Variants in DOCK4 observed in about 807,000 individuals in gnomAD.
The protein encoded by DOCK4 is dedicator of cytokinesis protein 4.
A neutral mutation model predicts 268.1 loss-of-function variants in DOCK4; 97 were observed. The ratio of observed to expected loss-of-function variants is 0.36; its 90% CI spans 0.31 to 0.43. DOCK4 has a LOEUF of 0.43. Among genes scored for constraint, DOCK4 ranks in the 20% least tolerant of loss-of-function variants. DOCK4 has a pLI of 1.00. For missense variants in DOCK4, 2,145 were observed against 2,455.7 expected (o/e 0.87, Z 2.67); for synonymous variants, 954 against 887.2 (o/e 1.08, Z -1.34).
intron 1 of DOCK4, among the ~76,000 whole-genome samples, chr7:112,033,806 T>C (rs971684570): frequency 1.3e-5 from 2 of 152,184 alleles, no homozygotes; most frequent in African/African-American, 2.4e-5. Context: ...TCTTCTTTAT[T>C]CTTGAAAAAA....
rs1371967310 is a variant in DOCK4 at position 111,735,050 on chromosome 7, C to G, written c.5419+4G>C. 6.4e-7 allele frequency: 1 copy of G among 1,569,494 alleles called. No homozygotes were observed. Among genetic ancestry groups the G allele is most frequent in the Non-Finnish European group, 8.7e-7 (1 of 1,153,390 alleles). On this transcript the variant is annotated splice_donor_region_variant and intron_variant, in intron 51 of 52. Transcript: ENST00000428084. Reference sequence around the variant, plus strand: ...GTGATCATTCAAATTCTTCAAATACCCACCAGTCTGTGTGGGTCTTGGAGG... The same window carrying G: ...GTGATCATTCAAATTCTTCAAATACGCACCAGTCTGTGTGGGTCTTGGAGG...
chr7:112,020,006 TA>T (rs1020961250), intron 1 of DOCK4, among the ~76,000 whole-genome samples: 23 of 152,290 alleles, frequency 1.5e-4, no homozygotes, highest in African/African-American at 5.5e-4. Context: ...GCTGCAGAGT[TA>T]AAAATACCCA....
rs894658750 is a variant in DOCK4 at position 111,922,936 on chromosome 7, T to C, written c.1067-7032A>G. Among the ~76,000 whole-genome samples the C allele has an allele frequency of 9.2e-5, 14 of 152,202 alleles. No homozygotes were observed. In the East Asian group the frequency reaches 2.7e-3, roughly 29 times the overall value. ...CTCTGACTAGTTGTTTCAGTGAATG[T>C]GAATGTAAAATCTCCAAGTCTTCAT... On this transcript the variant is annotated intron_variant, in intron 12 of 52. Coordinates refer to ENST00000428084, the MANE Select transcript of DOCK4 (RefSeq NM_001363540.2).
At chr7:112,179,407 A>G (rs183257692) in intron 1 of DOCK4, among the ~76,000 whole-genome samples, 12 of 152,214 alleles carry the variant, frequency 7.9e-5, no homozygotes, top group Admixed American at 7.8e-4. Flanking sequence ...ACCACAGGAA[A>G]AAATCTTCTA....
intron 1 of DOCK4, among the ~76,000 whole-genome samples, chr7:112,109,871 A>G (rs1179659670): frequency 1.3e-5 from 2 of 150,616 alleles, no homozygotes; most frequent in East Asian, 3.9e-4. Flanking sequence ...CAGCCTCCCA[A>G]GTAGCTGGGA....
intron 1 of DOCK4, among the ~76,000 whole-genome samples, chr7:112,064,478 T>C (rs1248455527): frequency 1.3e-5 from 2 of 152,188 alleles, no homozygotes; most frequent in African/African-American, 4.8e-5. Flanking sequence ...CACTTACAAT[T>C]CCTCCATCTG....
chr7:112,188,148 T>C (rs1328205300), intron 1 of DOCK4, among the ~76,000 whole-genome samples: 1 of 152,176 alleles, frequency 6.6e-6, no homozygotes, highest in East Asian at 1.9e-4. Context: ...AGATAACACA[T>C]AATGCTGCAA....
chr7:112,117,282 T>A (rs985644332), intron 1 of DOCK4, among the ~76,000 whole-genome samples: 1 of 152,256 alleles, frequency 6.6e-6, no homozygotes, highest in African/African-American at 2.4e-5. Flanking sequence ...AAATGTCATA[T>A]TTATCGTAGT....
At chr7:112,106,945 T>C (rs564745120) in intron 1 of DOCK4, among the ~76,000 whole-genome samples, 1 of 152,356 alleles carries the variant, frequency 6.6e-6, no homozygotes, top group South Asian at 2.1e-4. Context: ...CTTGGCAGCA[T>C]TTTGCCAAAT....
chr7:111,955,361 A>T (rs536798713), intron 8 of DOCK4, among the ~76,000 whole-genome samples: 4 of 152,354 alleles, frequency 2.6e-5, no homozygotes, highest in African/African-American at 9.6e-5. Context: ...TTTTCTTTTA[A>T]AAATATTAAT....
intron 8 of DOCK4, among the ~76,000 whole-genome samples, chr7:111,949,636 G>GA (rs1795895396): frequency 6.9e-6 from 1 of 145,144 alleles, no homozygotes; most frequent in Non-Finnish European, 1.5e-5. Context: ...TCTTTTAAAA[G>GA]AAAAAAGAAA....
chr7:111,988,944 T>G (rs1799272014), intron 6 of DOCK4, 71 bp downstream of exon 6: 1 of 1,529,336 alleles, frequency 6.5e-7, no homozygotes, highest in Admixed American at 2.0e-5. Flanking sequence ...ATTACCACGT[T>G]CTGGCTCAGG....
chr7:112,187,982 G>C (rs1563169446), intron 1 of DOCK4, among the ~76,000 whole-genome samples: 1 of 152,032 alleles, frequency 6.6e-6, no homozygotes, highest in East Asian at 1.9e-4. Context: ...TTGAATATAG[G>C]GTTTAGTTAA....
At chr7:111,926,114 A>T (rs376085126) in intron 12 of DOCK4, among the ~76,000 whole-genome samples, 1 of 128,104 alleles carries the variant, frequency 7.8e-6, no homozygotes, top group Non-Finnish European at 1.6e-5. Context: ...GAGAGAGAGA[A>T]AGAGAAAAAG....
intron 1 of DOCK4, among the ~76,000 whole-genome samples, chr7:112,009,010 CAAAG>C (rs1401222669): frequency 3.3e-5 from 5 of 152,222 alleles, no homozygotes; most frequent in South Asian, 4.1e-4. Flanking sequence ...AACAAACAAA[CAAAG>C]AATTATTATA....
intron 1 of DOCK4, among the ~76,000 whole-genome samples, chr7:112,151,898 G>A (rs556835372): frequency 6.7e-6 from 1 of 149,324 alleles, no homozygotes; most frequent in African/African-American, 2.5e-5. Flanking sequence ...GGGAAAGGAA[G>A]AGCAGCCACA....
intron 12 of DOCK4, among the ~76,000 whole-genome samples, chr7:111,920,986 T>C (rs1793083137): frequency 6.6e-6 from 1 of 152,084 alleles, no homozygotes; most frequent in African/African-American, 2.4e-5. Context: ...TCATAAAATT[T>C]AATTTACAAT....
At position 111,863,497 on chromosome 7, in the gene DOCK4, A is replaced by C; in HGVS notation, c.2348T>G (p.Val783Gly). 6.2e-7 allele frequency: 1 copy of C among 1,613,934 alleles called. No homozygotes were observed. Among genetic ancestry groups the C allele is most frequent in the Non-Finnish European group, 8.5e-7 (1 of 1,179,872 alleles). The change falls in exon 23 of 53, where the codon GTA becomes GGA. Residue 783 changes from valine to glycine, a missense_variant. Val to Gly is a moderately radical substitution (Grantham distance 109). Around this residue, in one of 2 missense-constraint regions of DOCK4, gnomAD observed 1,598 missense variants for 1,986.7 expected, o/e 0.80. Transcript: ENST00000428084. ...ELLKLFDVRE[V>G]ANLVQDTLGS... ...CAGGGTGTCCTGGACCAAGTTGGCT[A>C]CTTCCCGGACATCAAAGAGCTTCAA... is the stretch of plus-strand genomic sequence containing the variant.
intron 4 of DOCK4, among the ~76,000 whole-genome samples, chr7:111,995,755 T>C (rs1799908400): frequency 6.6e-6 from 1 of 152,202 alleles, no homozygotes; most frequent in Non-Finnish European, 1.5e-5. Flanking sequence ...AACTAAAATC[T>C]TGCCTTGATT....
Sources: allele counts gnomAD v4.1 joint callset (sites outside exome capture counted in the v4.1 genomes callset), GRCh38; gene constraint gnomAD v4.1.1; regional missense constraint gnomAD v4.1.1; transcripts MANE v1.5; gene names NCBI Gene and HGNC (gene_info 2026-07-23, HGNC 2026-07-21).